EPHA1: variants seen among roughly 807,000 people sequenced by gnomAD.
EPHA1 encodes EPH receptor A1, also known as ephrin type-A receptor 1.
Under a neutral mutation model 110.1 loss-of-function variants are expected in EPHA1, and 92 were observed. The observed-to-expected ratio is 0.84, with a 90% CI of 0.71 to 0.99. EPHA1 has a LOEUF of 0.99. Among genes scored for constraint, EPHA1 ranks in the 50% least tolerant of loss-of-function variants. The pLI is 0.00. For missense variants in EPHA1, 1,204 were observed against 1,285.4 expected, an observed-to-expected ratio of 0.94 and a Z score of 0.97; for synonymous variants, 500 against 516.1, an observed-to-expected ratio of 0.97 and a Z score of 0.42.
chr7:143,396,717 A>C, intron 10 of EPHA1: 1 of 571,640 alleles, frequency 1.7e-6, no homozygotes, highest in Non-Finnish European at 3.0e-6. Context: ...CGCTGTCCTC[A>C]CTCCACAAGG....
intron 2 of EPHA1, among the ~76,000 whole-genome samples, chr7:143,405,765 GTTT>G (rs1360186155): frequency 6.6e-6 from 1 of 152,158 alleles, no homozygotes; most frequent in Non-Finnish European, 1.5e-5. Context: ...ATCCACTATG[GTTT>G]AGTCTATTAG....
At position 143,391,397 on chromosome 7, in the gene EPHA1, G is replaced by A. The variant is rs1484787334; in HGVS notation, c.*60C>T. The A allele has an allele frequency of 8.8e-6, 14 of 1,596,336 alleles. No homozygotes were observed. The Admixed American group carries it at 1.4e-4, about 16-fold the overall frequency. On this transcript the variant is annotated 3_prime_UTR_variant, in exon 18 of 18. Transcript: ENST00000275815. ...GAAGGGGCGCAGGGAGTGACCATGA[G>A]CGACCTTGGCCCCGTCCTTGCTCCT...
intron 16 of EPHA1, among the ~76,000 whole-genome samples, chr7:143,392,967 T>G (rs1805133854): frequency 6.6e-6 from 1 of 151,940 alleles, no homozygotes; most frequent in African/African-American, 2.4e-5. Flanking sequence ...ACAACAACTC[T>G]GCACTCATGG....
chr7:143,403,398 A>C (rs1805471603), intron 2 of EPHA1, among the ~76,000 whole-genome samples: 1 of 149,584 alleles, frequency 6.7e-6, no homozygotes, highest in Non-Finnish European at 1.5e-5. Context: ...ATAGCCACAA[A>C]AGTGTATATA....
rs61732993 is a variant in EPHA1 at position 143,391,483 on chromosome 7, A to G, written c.2905T>C (p.Cys969Arg). The part of the protein sequence containing the change: ...TLPGHQKRIL[C>R]SIQGFKD ...CAGTCCTTGAATCCCTGAATACTGC[A>G]AAGAATGCGCTTCTGGTGCCCGGGC... The change falls in exon 18 of 18, where the codon TGC becomes CGC. Residue 969 changes from cysteine (C) to arginine (R), a missense_variant. Coordinates refer to ENST00000275815, the MANE Select transcript of EPHA1 (RefSeq NM_005232.5). 1,332 of 1,614,166 alleles carry G rather than the reference A, an allele frequency of 8.3e-4. No individual in the cohort carries two copies. The highest frequency in any genetic ancestry group is 1.1e-3 in the Non-Finnish European group (1,280 of 1,180,022).
In EPHA1 at chr7:143,394,986, T is replaced by C. The variant is rs1204021687; in HGVS notation, c.2174A>G (p.Gln725Arg). 6.2e-7 allele frequency: 1 copy of C among 1,614,108 alleles called. No individual in the cohort carries two copies. Among genetic ancestry groups the C allele is most frequent in the Non-Finnish European group, 8.5e-7 (1 of 1,180,028 alleles). ...REREDQLVPG[Q>R]LVAMLQGIAS... ...TATGCCCTGCAGCATGGCCACTAGC[T>C]GCCCAGGGACCAGCTGGTCCTCCCG... The change falls in exon 14 of 18, where the codon CAG (glutamine) becomes CGG (arginine). Residue 725 changes from glutamine (Q) to arginine (R), a missense_variant. Transcript: ENST00000275815.
rs73726637 is a variant in EPHA1 at position 143,394,869 on chromosome 7, T to G, written c.2291A>C (p.Lys764Thr). Residue 764 changes from lysine (K) to threonine (T), a missense_variant, in exon 14 of 18, where the codon AAG becomes ACG. Coordinates refer to ENST00000275815, the MANE Select transcript of EPHA1 (RefSeq NM_005232.5). ...NILVNQNLCCKVSDFGLTRLL... is the reference protein window; with the variant it reads ...NILVNQNLCCTVSDFGLTRLL... ...GCGAGTCAGGCCAAAGTCAGACACC[T>G]TGCAGCACAGGTTTTGATTCACCAA... 1.3e-4 allele frequency: 211 copies of G among 1,614,144 alleles called. 1 individual carries two copies. In the Middle Eastern group the frequency reaches 4.0e-3, roughly 30 times the overall value.
At chr7:143,392,865 C>A (rs1272284661) in intron 16 of EPHA1, among the ~76,000 whole-genome samples, 1 of 152,040 alleles carries the variant, frequency 6.6e-6, no homozygotes, top group African/African-American at 2.4e-5. Context: ...TCACTTGAAC[C>A]CTGGAGGTGG....
In EPHA1 at chr7:143,397,935, G is replaced by T; in HGVS notation, c.1600C>A (p.Arg534=). The T allele has an allele frequency of 6.2e-7, 1 of 1,614,080 alleles. No individual in the cohort carries two copies. Among genetic ancestry groups the T allele is most frequent in the Admixed American group, 1.7e-5 (1 of 60,010 alleles). ...PGPFSPDHEF[R]TSPPVSRGLT... ...GATACCCCACCTGGTGGGCTGGTCC[G>T]AAACTCATGATCAGGGGAGAAAGGG... The change falls in exon 8 of 18, where the codon CGG becomes AGG. Residue 534 remains arginine (R), a synonymous_variant. Coordinates refer to ENST00000275815, the MANE Select transcript of EPHA1 (RefSeq NM_005232.5).
Position 143,400,160 on chromosome 7 carries a change from A to C in EPHA1, c.433-107T>G, listed in dbSNP as rs1195958433. 4 of 1,332,202 alleles carry C rather than the reference A, an allele frequency of 3.0e-6. No individual in the cohort carries two copies. The East Asian group carries it at 9.8e-5, about 33-fold the overall frequency. The allele number at this position is 1,332,202 out of a possible 1,614,324, so 82.5% of individuals were successfully genotyped here. Reference sequence around the variant, plus strand: ...ATACTTTCCACAACCATGAACACTGAGCCTTGTATGTGTGAGGTGCCAGGC... The same window carrying C: ...ATACTTTCCACAACCATGAACACTGCGCCTTGTATGTGTGAGGTGCCAGGC... On this transcript the variant is annotated intron_variant, in intron 3 of 17. Transcript: ENST00000275815.
intron 9 of EPHA1, 49 bp downstream of exon 9, chr7:143,397,512 G>C (rs1232620444): frequency 6.2e-7 from 1 of 1,606,842 alleles, no homozygotes; most frequent in Admixed American, 1.7e-5. Flanking sequence ...CTGCAGTCAG[G>C]GGCTTCTGAC....
chr7:143,400,558 G>A (rs1277308486), intron 3 of EPHA1, among the ~76,000 whole-genome samples: 2 of 152,136 alleles, frequency 1.3e-5, no homozygotes, highest in Non-Finnish European at 2.9e-5. Flanking sequence ...GTTTTTTTGA[G>A]TAGGAAAGAA....
intron 2 of EPHA1, among the ~76,000 whole-genome samples, chr7:143,403,171 A>C (rs1278237850): frequency 6.6e-6 from 1 of 152,232 alleles, no homozygotes; most frequent in Non-Finnish European, 1.5e-5. Flanking sequence ...GTTCGAGACC[A>C]GCTTGGCCAA....
Position 143,394,963 on chromosome 7 carries a change from T to C in EPHA1, c.2197A>G (p.Ile733Val), listed in dbSNP as rs1805203677. 1 of 1,614,140 alleles carries C rather than the reference T, an allele frequency of 6.2e-7. No individual in the cohort carries two copies. The highest frequency in any genetic ancestry group is 8.5e-7 in the Non-Finnish European group (1 of 1,180,030). Residue 733 changes from isoleucine (I) to valine (V), a missense_variant, in exon 14 of 18, where the codon ATA (isoleucine) becomes GTA (valine). Transcript: ENST00000275815. ...CTGAGGTAGTTCATGCCAGATGCTA[T>C]GCCCTGCAGCATGGCCACTAGCTGC... ...PGQLVAMLQG[I>V]ASGMNYLSNH...
Position 143,391,518 on chromosome 7 carries a change from C to A in EPHA1, c.2870G>T (p.Gly957Val). 6.2e-7 allele frequency: 1 copy of A among 1,614,160 alleles called. No homozygotes were observed. The highest frequency in any genetic ancestry group is 8.5e-7 in the Non-Finnish European group (1 of 1,180,026). Residue 957 changes from glycine to valine, a missense_variant, in exon 18 of 18, where the codon GGA becomes GTA. Coordinates refer to ENST00000275815, the MANE Select transcript of EPHA1 (RefSeq NM_005232.5). ...CTTCTGGTGCCCGGGCAGTGTGATT[C>A]CCATCTGCGTCAGGTCCCTGTGGGC... ...ELTAEDLTQM[G>V]ITLPGHQKRI...
intron 5 of EPHA1, 89 bp downstream of exon 5, chr7:143,399,169 C>A: frequency 6.6e-7 from 1 of 1,515,486 alleles, no homozygotes; most frequent in Non-Finnish European, 9.0e-7. Flanking sequence ...CAATATCTGA[C>A]AAGCTCTGGA....
chr7:143,397,417 G>T, intron 9 of EPHA1, 55 bp from the exon 10 acceptor site: 2 of 1,551,114 alleles, frequency 1.3e-6, no homozygotes, highest in Non-Finnish European at 8.7e-7. Context: ...TCAGGGGTCC[G>T]AGGGACTCTG....
chr7:143,391,701 GACTCGAGCC>G lies in EPHA1; in HGVS notation c.2762_2770del (p.Trp921_Glu923del), dbSNP rs763244111. On this transcript the variant is annotated inframe_deletion, in exon 17 of 18. Transcript: ENST00000275815. Reference sequence around the variant, plus strand: ...CAGGATGTAGCGTTTCATGCGTATGGACTCGAGCCACTCAGAGACGGTTCGATATGGGAT... The same window carrying G: ...CAGGATGTAGCGTTTCATGCGTATGGACTCAGAGACGGTTCGATATGGGAT... 2 of 1,613,844 alleles carry G rather than the reference GACTCGAGCC, an allele frequency of 1.2e-6. No individual in the cohort carries two copies. Among genetic ancestry groups the G allele is most frequent in the African/African-American group, 2.7e-5 (2 of 74,920 alleles).
chr7:143,391,584 C>A (rs1288868950), intron 17 of EPHA1, 36 bp downstream of exon 17: 1 of 1,614,154 alleles, frequency 6.2e-7, no homozygotes, highest in South Asian at 1.1e-5. Flanking sequence ...TCCACCCCCG[C>A]AGCCCTCCCC....
Sources: allele counts gnomAD v4.1 joint callset (sites outside exome capture counted in the v4.1 genomes callset), GRCh38; gene constraint gnomAD v4.1.1; transcripts MANE v1.5; gene names NCBI Gene and HGNC (gene_info 2026-07-23, HGNC 2026-07-21).